The following QSER1 variants were observed in gnomAD, a reference collection of about 807,000 sequenced individuals.
QSER1 encodes the protein glutamine and serine-rich protein 1.
A neutral mutation model predicts 158.5 loss-of-function variants in QSER1; 49 were observed. The observed-to-expected ratio is 0.31, with a 90% CI of 0.25 to 0.39. QSER1 has a LOEUF of 0.39. Among genes scored for constraint, QSER1 ranks in the 10% least tolerant of loss-of-function variants. The pLI is 1.00. For missense variants in QSER1, 1,754 were observed against 2,010.3 expected, an observed-to-expected ratio of 0.87 and a Z score of 2.44; for synonymous variants, 650 against 715.5, an observed-to-expected ratio of 0.91 and a Z score of 1.46.
intron 10 of QSER1, among the ~76,000 whole-genome samples, chr11:32,970,873 A>G (rs754595298): frequency 1.6e-4 from 25 of 151,578 alleles, no homozygotes; most frequent in Non-Finnish European, 3.2e-4. Context: ...GAAATGTCAA[A>G]CCAGTTCTCT....
chr11:32,975,338 G>C lies in QSER1; in HGVS notation c.5449G>C (p.Asp1817His). 6.3e-7 allele frequency: 1 copy of C among 1,597,850 alleles called. No homozygotes were observed. Among genetic ancestry groups the C allele is most frequent in the Non-Finnish European group, 8.6e-7 (1 of 1,166,292 alleles). ...GTACCATGTTTATCTGATATGTAAGGATGAGGTAATTTCTTCTCATTTACT... is the reference window on the plus strand; with the variant it reads ...GTACCATGTTTATCTGATATGTAAGCATGAGGTAATTTCTTCTCATTTACT... ...YKYHVYLICKDEISSVQKKNE... is the reference protein window; with the variant it reads ...YKYHVYLICKHEISSVQKKNE... Residue 1817 changes from aspartate (D) to histidine (H), a missense_variant, in exon 12 of 13, where the codon GAT becomes CAT. Transcript: ENST00000650167.
intron 1 of QSER1, among the ~76,000 whole-genome samples, chr11:32,904,748 G>C (rs1471707956): frequency 2.0e-5 from 3 of 151,950 alleles, no homozygotes; most frequent in African/African-American, 7.3e-5. Context: ...TTTTCCCTGA[G>C]ATAATCTGCG....
At chr11:32,927,555 C>T (rs980037089) in intron 2 of QSER1, among the ~76,000 whole-genome samples, 4 of 152,192 alleles carry the variant, frequency 2.6e-5, no homozygotes, top group African/African-American at 9.6e-5. Context: ...CTACAGGCAC[C>T]TGCCACCATG....
intron 1 of QSER1, among the ~76,000 whole-genome samples, chr11:32,923,776 C>T (rs1209579456): frequency 1.3e-5 from 2 of 151,922 alleles, no homozygotes; most frequent in Admixed American, 6.6e-5. Flanking sequence ...AAGACCATCC[C>T]GGCCAACATG....
chr11:32,934,250 T>G lies in QSER1; in HGVS notation c.2992T>G (p.Phe998Val). The change falls in exon 4 of 13, where the codon TTT becomes GTT. Residue 998 changes from phenylalanine (F) to valine (V), a missense_variant. Phe to Val is a conservative substitution (Grantham distance 50). This residue lies in a region of QSER1 where 1,707 missense variants were observed against 1,919.6 expected (regional missense o/e 0.89). Coordinates refer to ENST00000650167, the MANE Select transcript of QSER1 (RefSeq NM_001076786.3). The stretch of plus-strand genomic sequence containing the variant: ...AGCTTGTGGAGTTACACCTACTGAT[T>G]TTTCCAAGTCAACTTCAAATGAAAC... Reference protein sequence around the residue: ...AAACGVTPTDFSKSTSNETMQ... With the variant: ...AAACGVTPTDVSKSTSNETMQ... The G allele has an allele frequency of 6.2e-7, 1 of 1,613,996 alleles. No homozygotes were observed. Among genetic ancestry groups the G allele is most frequent in the Non-Finnish European group, 8.5e-7 (1 of 1,179,978 alleles).
intron 1 of QSER1, among the ~76,000 whole-genome samples, chr11:32,909,181 G>T (rs1230525329): frequency 1.3e-5 from 2 of 152,042 alleles, no homozygotes; most frequent in African/African-American, 4.8e-5. Flanking sequence ...GAAATATATG[G>T]ATGTTCCAAT....
chr11:32,945,173 G>C (rs1300698889), intron 4 of QSER1, among the ~76,000 whole-genome samples: 1 of 139,570 alleles, frequency 7.2e-6, no homozygotes, highest in Non-Finnish European at 1.6e-5. Context: ...ACACTGATGG[G>C]TCTTGACTCT....
chr11:32,933,613 T>C lies in QSER1; in HGVS notation c.2355T>C (p.Asp785=), dbSNP rs1416220905. The C allele has an allele frequency of 1.2e-6, 2 of 1,613,850 alleles. No homozygotes were observed. The highest frequency in any genetic ancestry group is 1.7e-6 in the Non-Finnish European group (2 of 1,179,960). The change falls in exon 4 of 13, where the codon GAT becomes GAC. Residue 785 remains aspartate, a synonymous_variant. Coordinates refer to ENST00000650167, the MANE Select transcript of QSER1 (RefSeq NM_001076786.3). ...IGQVNNAATL[D]LKNSTNLIQT... is the part of the protein sequence containing the mutation. Reference sequence around the variant, plus strand: ...AAGTCAATAATGCAGCTACCCTTGATCTTAAGAACTCAACTAATTTAATAC... The same window carrying C: ...AAGTCAATAATGCAGCTACCCTTGACCTTAAGAACTCAACTAATTTAATAC...
intron 1 of QSER1, among the ~76,000 whole-genome samples, chr11:32,917,053 C>G (rs1851842391): frequency 6.6e-6 from 1 of 152,202 alleles, no homozygotes; most frequent in South Asian, 2.1e-4. Flanking sequence ...TCCCGCAGTG[C>G]TGGGATTACA....
chr11:32,904,750 T>A (rs1450699604), intron 1 of QSER1, among the ~76,000 whole-genome samples: 1 of 152,154 alleles, frequency 6.6e-6, no homozygotes, highest in Non-Finnish European at 1.5e-5. Flanking sequence ...TTCCCTGAGA[T>A]AATCTGCGTG....
At chr11:32,941,737 G>A (rs1425601037) in intron 4 of QSER1, among the ~76,000 whole-genome samples, 3 of 152,082 alleles carry the variant, frequency 2.0e-5, no homozygotes, top group Non-Finnish European at 2.9e-5. Context: ...AGCCCTTTGG[G>A]TATATACCCA....
At chr11:32,946,747 G>A (rs1852339227) in intron 4 of QSER1, among the ~76,000 whole-genome samples, 2 of 151,984 alleles carry the variant, frequency 1.3e-5, no homozygotes, top group Non-Finnish European at 2.9e-5. Flanking sequence ...TTGAGCTGTG[G>A]TGGGCTCCAC....
chr11:32,935,478 A>G lies in QSER1; in HGVS notation c.4177+43A>G, dbSNP rs774584757. 5 of 1,399,576 alleles carry G rather than the reference A, an allele frequency of 3.6e-6. No homozygotes were observed. In the South Asian group the frequency reaches 7.5e-5, roughly 21 times the overall value. The allele number at this position is 1,399,576 out of a possible 1,614,324, so 86.7% of individuals were successfully genotyped here. A position where few individuals can be genotyped will look rare whatever the true frequency, so the allele number is the denominator to read the frequency against. On this transcript the variant is annotated intron_variant, in intron 4 of 12. Transcript: ENST00000650167. ...AGATTCATAATTATTACTTTCTTCT[A>G]TTTTTCCAGCTATAGCCCACATTTT...
At chr11:32,921,719 A>G (rs1408526469) in intron 1 of QSER1, among the ~76,000 whole-genome samples, 1 of 152,234 alleles carries the variant, frequency 6.6e-6, no homozygotes, top group Non-Finnish European at 1.5e-5. Context: ...TGATGTTTAG[A>G]TTCAATACAG....
At position 32,980,159 on chromosome 11, in the gene QSER1, G is replaced by A. The variant is rs953076964; in HGVS notation, c.*3685G>A. On this transcript the variant is annotated 3_prime_UTR_variant, in exon 13 of 13. Coordinates refer to ENST00000650167, the MANE Select transcript of QSER1 (RefSeq NM_001076786.3). ...AAGAAACCTGCATTTGTAGTCCAGCGTTTTCATTTGGTCCATAACACAATG... is the reference window on the plus strand; with the variant it reads ...AAGAAACCTGCATTTGTAGTCCAGCATTTTCATTTGGTCCATAACACAATG... The A allele has an allele frequency of 1.7e-4, 26 of 152,524 alleles. No individual in the cohort carries two copies. Among genetic ancestry groups the A allele is most frequent in the East Asian group, 1.9e-4 (1 of 5,198 alleles). The allele number at this position is 152,524 out of a possible 1,614,324, so 9.4% of individuals were successfully genotyped here. A position where few individuals can be genotyped will look rare whatever the true frequency, so the allele number is the denominator to read the frequency against.
chr11:32,972,556 C>A (rs953109444), intron 10 of QSER1, among the ~76,000 whole-genome samples: 1 of 152,062 alleles, frequency 6.6e-6, no homozygotes, highest in African/African-American at 2.4e-5. Context: ...TTACCTCAGC[C>A]TCCTGAGTAG....
rs1408458707 is a variant in QSER1 at position 32,966,292 on chromosome 11, C to G, written c.4970-8C>G. ...AAAATTTAATATTTAACCCTTTCTC[C>G]CTCCCAGAATTTGAACCTCCCGCTC... On this transcript the variant is annotated splice_region_variant and splice_polypyrimidine_tract_variant and intron_variant, in intron 8 of 12. Transcript: ENST00000650167. 1 of 1,609,754 alleles carries G rather than the reference C, an allele frequency of 6.2e-7. No homozygotes were observed.
At chr11:32,935,560 G>A in intron 4 of QSER1, 125 bp downstream of exon 4, 2 of 694,932 alleles carry the variant, frequency 2.9e-6, no homozygotes, top group East Asian at 2.7e-5. Flanking sequence ...AAATGTATAG[G>A]TAGGTATCTT....
intron 10 of QSER1, among the ~76,000 whole-genome samples, chr11:32,969,691 T>TTG (rs1192589754): frequency 6.9e-6 from 1 of 144,702 alleles, no homozygotes; most frequent in Non-Finnish European, 1.5e-5. Context: ...CTTTTCTTTT[T>TTG]TTTTTTTTTT....
Sources: gnomAD v4.1 joint callset for allele counts (sites outside exome capture counted in the v4.1 genomes callset) on GRCh38, gnomAD v4.1.1 for gene constraint, gnomAD v4.1.1 regional missense constraint, MANE v1.5 for transcripts, NCBI Gene and HGNC (gene_info 2026-07-23, HGNC 2026-07-21) for gene names.